Variants in MED27 observed in about 807,000 individuals in gnomAD.
The protein encoded by MED27 is mediator complex subunit 27, also known as mediator of RNA polymerase II transcription subunit 27.
In MED27, 30 loss-of-function variants were observed where a neutral mutation model predicts 38.2. That is an observed-to-expected ratio of 0.79 (90% CI 0.59 to 1.07). The LOEUF is 1.07. Among genes scored for constraint, MED27 ranks in the 50% least tolerant of loss-of-function variants. MED27 has a pLI of 0.00. For missense variants in MED27, 289 were observed against 397.5 expected (o/e 0.73, Z 2.32); for synonymous variants, 122 against 153.5 (o/e 0.79, Z 1.52).
At chr9:131,923,140 A>G (rs890426773) in intron 4 of MED27, among the ~76,000 whole-genome samples, 1 of 152,134 alleles carries the variant, frequency 6.6e-6, no homozygotes, top group Non-Finnish European at 1.5e-5. Context: ...CAGAATTGGG[A>G]AACGTGCACT....
intron 4 of MED27, among the ~76,000 whole-genome samples, chr9:131,924,170 T>C (rs974760880): frequency 3.3e-5 from 5 of 152,246 alleles, no homozygotes; most frequent in Admixed American, 3.3e-4. Flanking sequence ...TTCAAAACAG[T>C]TGGATGAATC....
chr9:131,922,297 T>C (rs1055145564), intron 4 of MED27, among the ~76,000 whole-genome samples: 8 of 152,278 alleles, frequency 5.3e-5, no homozygotes, highest in African/African-American at 1.9e-4. Flanking sequence ...TTCAATTTTT[T>C]ACCATGTATT....
At chr9:131,887,305 A>T (rs578015008) in intron 5 of MED27, among the ~76,000 whole-genome samples, 26 of 152,304 alleles carry the variant, frequency 1.7e-4, no homozygotes, top group African/African-American at 4.3e-4. Context: ...AGTGAGGATG[A>T]TGCTCTTTTT....
At chr9:132,001,174 G>A (rs2131057224) in intron 3 of MED27, among the ~76,000 whole-genome samples, 1 of 152,210 alleles carries the variant, frequency 6.6e-6, no homozygotes, top group South Asian at 2.1e-4. Flanking sequence ...GCAAACTATA[G>A]TGACAAAAAG....
Position 131,966,114 on chromosome 9 carries a change from G to T in MED27, c.480-26640C>A, listed in dbSNP as rs539317665. Among the ~76,000 whole-genome samples, 11 of 143,032 alleles carry T rather than the reference G, an allele frequency of 7.7e-5. No individual in the cohort carries two copies. The East Asian group carries it at 2.3e-3, about 30-fold the overall frequency. The allele number at this position is 143,032 out of a possible 152,430, so 93.8% of individuals were successfully genotyped here. A position where few individuals can be genotyped will look rare whatever the true frequency, so the allele number is the denominator to read the frequency against. ...GTGGTGGCTCACACCTGTAATTCCA[G>T]CACTTTGAAAGGCTGAGGTGGGAGG... On this transcript the variant is annotated intron_variant, in intron 3 of 7. Coordinates refer to ENST00000292035, the MANE Select transcript of MED27 (RefSeq NM_004269.4).
intron 2 of MED27, among the ~76,000 whole-genome samples, chr9:132,048,046 C>G (rs1308071187): frequency 6.6e-6 from 1 of 152,276 alleles, no homozygotes; most frequent in Non-Finnish European, 1.5e-5. Context: ...AAAACTGCAA[C>G]CTCAGGTATA....
At chr9:132,045,984 T>C (rs1338848337) in intron 2 of MED27, among the ~76,000 whole-genome samples, 2 of 152,166 alleles carry the variant, frequency 1.3e-5, no homozygotes, top group Non-Finnish European at 2.9e-5. Context: ...AAAAGATACA[T>C]GTGGCAAAGC....
chr9:132,001,765 A>G (rs779056621), intron 3 of MED27, among the ~76,000 whole-genome samples: 1 of 152,108 alleles, frequency 6.6e-6, no homozygotes, highest in Non-Finnish European at 1.5e-5. Flanking sequence ...TCCCCCCACA[A>G]TGCTCATTTC....
At chr9:131,955,559 G>A (rs182067297) in intron 3 of MED27, among the ~76,000 whole-genome samples, 16 of 152,280 alleles carry the variant, frequency 1.1e-4, no homozygotes, top group African/African-American at 3.6e-4. Context: ...ATCAATATCA[G>A]GAATGAATGA....
intron 4 of MED27, among the ~76,000 whole-genome samples, chr9:131,911,623 T>C (rs565901070): frequency 2.6e-5 from 4 of 152,368 alleles, no homozygotes; most frequent in African/African-American, 9.6e-5. Context: ...TCTCATGTTT[T>C]AACCTTTGAT....
chr9:131,933,143 G>C (rs137863193), intron 4 of MED27, among the ~76,000 whole-genome samples: 3 of 152,108 alleles, frequency 2.0e-5, no homozygotes, highest in African/African-American at 7.2e-5. Context: ...ATATATGACA[G>C]ATTTACAGTT....
intron 6 of MED27, among the ~76,000 whole-genome samples, chr9:131,873,532 G>A (rs959668563): frequency 2.0e-5 from 3 of 152,228 alleles, no homozygotes; most frequent in African/African-American, 7.2e-5. Context: ...AGCGGGCCTA[G>A]CAGCCTGGAG....
At chr9:131,876,265 G>T (rs1838931003) in intron 6 of MED27, among the ~76,000 whole-genome samples, 1 of 152,200 alleles carries the variant, frequency 6.6e-6, no homozygotes, top group African/African-American at 2.4e-5. Flanking sequence ...CTATACAGAT[G>T]ACAGATGACT....
At chr9:131,941,359 G>A (rs990771659) in intron 3 of MED27, among the ~76,000 whole-genome samples, 6 of 152,042 alleles carry the variant, frequency 3.9e-5, no homozygotes, top group Admixed American at 2.0e-4. Context: ...TTTGAACCTG[G>A]GGCTCATGAA....
chr9:131,915,623 G>C (rs778059686), intron 4 of MED27, among the ~76,000 whole-genome samples: 4 of 152,172 alleles, frequency 2.6e-5, no homozygotes, highest in Non-Finnish European at 4.4e-5. Flanking sequence ...GCATGAACAA[G>C]GCCTACAACA....
intron 6 of MED27, among the ~76,000 whole-genome samples, chr9:131,870,261 G>A (rs1838807093): frequency 6.6e-6 from 1 of 152,216 alleles, no homozygotes; most frequent in Non-Finnish European, 1.5e-5. Flanking sequence ...AGCTCAGGGT[G>A]TGTGGCTCCT....
At chr9:131,920,926 G>A (rs1185506769) in intron 4 of MED27, among the ~76,000 whole-genome samples, 5 of 152,104 alleles carry the variant, frequency 3.3e-5, no homozygotes, top group South Asian at 2.1e-4. Flanking sequence ...CTGGCTTCAC[G>A]TGGAGAACTG....
intron 3 of MED27, among the ~76,000 whole-genome samples, chr9:131,963,875 T>G (rs1307943174): frequency 6.6e-6 from 1 of 152,206 alleles, no homozygotes; most frequent in African/African-American, 2.4e-5. Context: ...TGAGAGGGTC[T>G]TTGACAGTAT....
rs116671565 is a variant in MED27, at chr9:132,066,503, C to T, written c.348+10939G>A. On this transcript the variant is annotated intron_variant, in intron 2 of 7. Coordinates refer to ENST00000292035, the MANE Select transcript of MED27 (RefSeq NM_004269.4). ...GCCAGCAAGTACTAGATGAGCAAAC[C>T]GTCCCCAGTGTGATGTGAGGGTCTT... 1.5e-3 allele frequency among the ~76,000 whole-genome samples: 231 copies of T among 152,294 alleles called. 1 individual carries two copies. The highest frequency in any genetic ancestry group is 5.3e-3 in the African/African-American group (221 of 41,558).
Sources: gnomAD v4.1 joint callset for allele counts (sites outside exome capture counted in the v4.1 genomes callset) on GRCh38, gnomAD v4.1.1 for gene constraint, MANE v1.5 for transcripts, NCBI Gene and HGNC (gene_info 2026-07-23, HGNC 2026-07-21) for gene names.